The following FBXL2 variants were observed in gnomAD, a reference collection of about 807,000 sequenced individuals.
The protein encoded by FBXL2 is F-box/LRR-repeat protein 2.
A neutral mutation model predicts 69.2 loss-of-function variants in FBXL2; 38 were observed. The observed-to-expected ratio is 0.55, with a 90% CI of 0.42 to 0.72. The LOEUF is 0.72. Among genes scored for constraint, FBXL2 ranks in the 30% least tolerant of loss-of-function variants. The pLI, the probability that FBXL2 is intolerant of heterozygous loss-of-function variation, is 0.00. For synonymous variants in FBXL2, 192 were observed against 201.3 expected (o/e 0.95, Z 0.39); for missense variants, 354 against 520.3 (o/e 0.68, Z 3.11).
the FBXL2 span, chr3:33,416,706 A>T: frequency 5.2e-6 from 7 of 1,343,118 alleles, no homozygotes; most frequent in Admixed American, 2.2e-5. Flanking sequence ...TTAAACAAAA[A>T]CTCATTCAAT....
chr3:33,381,352 A>T (rs919222277), intron 13 of FBXL2, among the ~76,000 whole-genome samples: 7 of 152,240 alleles, frequency 4.6e-5, no homozygotes, highest in Non-Finnish European at 1.0e-4. Flanking sequence ...ATATGTAAAT[A>T]AAATGAAATT....
intron 1 of FBXL2, among the ~76,000 whole-genome samples, chr3:33,283,820 T>G (rs931898465): frequency 6.6e-6 from 1 of 152,216 alleles, no homozygotes; most frequent in Non-Finnish European, 1.5e-5. Context: ...TTCTGGATTT[T>G]CTAGTTTATT....
chr3:33,413,609 G>A, the FBXL2 span, among the ~76,000 whole-genome samples: 38 of 148,584 alleles, frequency 2.6e-4, no homozygotes, highest in African/African-American at 7.9e-4. Context: ...ACAAAAATCC[G>A]AAACACTGCC....
chr3:33,339,000 T>A (rs986048756), intron 2 of FBXL2, among the ~76,000 whole-genome samples: 1 of 151,980 alleles, frequency 6.6e-6, no homozygotes, highest in African/African-American at 2.4e-5. Context: ...CCCTACAGAA[T>A]GGGAGAAAAT....
intron 12 of FBXL2, chr3:33,398,552 G>A (rs2044098578): frequency 6.6e-6 from 1 of 152,394 alleles, no homozygotes; most frequent in African/African-American, 2.4e-5. Context: ...ATCAGAGCAA[G>A]AAGACTCACT....
At chr3:33,296,729 G>T (rs2035781780) in intron 1 of FBXL2, among the ~76,000 whole-genome samples, 1 of 152,052 alleles carries the variant, frequency 6.6e-6, no homozygotes, top group Non-Finnish European at 1.5e-5. Context: ...TAGATTATCT[G>T]TTCTGTTCCA....
chr3:33,417,701 ATC>A, the FBXL2 span, among the ~76,000 whole-genome samples: 1 of 152,240 alleles, frequency 6.6e-6, no homozygotes, highest in Non-Finnish European at 1.5e-5. Flanking sequence ...TTTCTGGATT[ATC>A]TGTTATTAAA....
intron 2 of FBXL2, among the ~76,000 whole-genome samples, chr3:33,333,820 T>G (rs2125833919): frequency 6.6e-6 from 1 of 152,322 alleles, no homozygotes; most frequent in South Asian, 2.1e-4. Context: ...GTTCTTCACA[T>G]TCTCGCAGAG....
At chr3:33,285,142 T>C (rs567783042) in intron 1 of FBXL2, among the ~76,000 whole-genome samples, 2 of 152,366 alleles carry the variant, frequency 1.3e-5, no homozygotes, top group East Asian at 3.9e-4. Flanking sequence ...GCATTGATAG[T>C]CTTTACAGTT....
intron 2 of FBXL2, among the ~76,000 whole-genome samples, chr3:33,315,266 A>G (rs1015711421): frequency 1.8e-5 from 1 of 54,088 alleles, no homozygotes; most frequent in African/African-American, 7.6e-5. Context: ...CTTTTCTCTT[A>G]TCTTTCTTTT....
intron 1 of FBXL2, among the ~76,000 whole-genome samples, chr3:33,282,488 C>T (rs1349600467): frequency 6.6e-6 from 1 of 152,160 alleles, no homozygotes; most frequent in Non-Finnish European, 1.5e-5. Flanking sequence ...CATGGTGCCT[C>T]CAGCTTTGTT....
intron 5 of FBXL2, among the ~76,000 whole-genome samples, chr3:33,366,816 T>G (rs910614065): frequency 6.6e-6 from 1 of 151,942 alleles, no homozygotes; most frequent in Non-Finnish European, 1.5e-5. Flanking sequence ...TACAAAAAAT[T>G]AGCTGGGCGT....
At chr3:33,417,945 T>C in the FBXL2 span, among the ~76,000 whole-genome samples, 2 of 152,150 alleles carry the variant, frequency 1.3e-5, no homozygotes, top group African/African-American at 4.8e-5. Context: ...ACAGCATATA[T>C]ATAGTCTGTT....
In FBXL2 at chr3:33,378,649, G is replaced by A. The variant is rs776727505; in HGVS notation, c.895-36G>A. ...CCAGGATTAGGTATTAAGTTCTGGT[G>A]TAGAAGCCACACTGACACAGCATGT... is the stretch of plus-strand genomic sequence containing the variant. On this transcript the variant is annotated intron_variant, in intron 12 of 14. Coordinates refer to ENST00000484457, the MANE Select transcript of FBXL2 (RefSeq NM_012157.5). The A allele has an allele frequency of 5.5e-5, 88 of 1,600,576 alleles. 2 individuals carry two copies. The South Asian group carries it at 8.6e-4, about 16-fold the overall frequency.
the FBXL2 span, chr3:33,412,783 T>C: frequency 2.5e-6 from 4 of 1,614,166 alleles, no homozygotes; most frequent in East Asian, 8.9e-5. Flanking sequence ...GCTGATGCTC[T>C]GTGTATTGTA....
chr3:33,393,503 T>C, intron 12 of FBXL2: 3 of 1,561,052 alleles, frequency 1.9e-6, no homozygotes, highest in Non-Finnish European at 2.6e-6. Context: ...TAATCTTTGA[T>C]CTGTTTTCTG....
the FBXL2 span, among the ~76,000 whole-genome samples, chr3:33,415,512 T>C: frequency 6.6e-6 from 1 of 152,228 alleles, no homozygotes; most frequent in Non-Finnish European, 1.5e-5. Context: ...GAACTCATGA[T>C]ATATACCAGA....
At chr3:33,407,797 C>G (rs2154057007), downstream of FBXL2, among the ~76,000 whole-genome samples, 1 of 152,284 alleles carries the variant, frequency 6.6e-6, no homozygotes, top group East Asian at 1.9e-4. Context: ...AAGACTGCAA[C>G]AGTGAATACA....
chr3:33,284,685 CTCTT>C (rs2034411601), intron 1 of FBXL2, among the ~76,000 whole-genome samples: 1 of 152,140 alleles, frequency 6.6e-6, no homozygotes, highest in African/African-American at 2.4e-5. Flanking sequence ...GAGTCTAAGT[CTCTT>C]TCTAGGTCTC....
Sources: gnomAD v4.1 joint callset for allele counts (sites outside exome capture counted in the v4.1 genomes callset) on GRCh38, gnomAD v4.1.1 for gene constraint, MANE v1.5 for transcripts, NCBI Gene and HGNC (gene_info 2026-07-23, HGNC 2026-07-21) for gene names.